GDAP2: variants seen among roughly 807,000 people sequenced by gnomAD.
The protein encoded by GDAP2 is ganglioside-induced differentiation-associated protein 2.
In GDAP2, 51 loss-of-function variants were observed where a neutral mutation model predicts 67.0. The observed-to-expected ratio is 0.76, with a 90% CI of 0.61 to 0.96. The LOEUF (loss-of-function observed/expected upper bound fraction) is 0.96, where lower values mean the gene tolerates loss of function less well. Ranked by LOEUF, GDAP2 falls within the 40% of genes least tolerant of loss-of-function variation. The pLI is 0.00. For synonymous variants in GDAP2, 203 were observed against 207.3 expected, an observed-to-expected ratio of 0.98 and a Z score of 0.18; for missense variants, 547 against 588.3, an observed-to-expected ratio of 0.93 and a Z score of 0.73.
intron 13 of GDAP2, chr1:117,877,792 A>T: frequency 8.0e-7 from 1 of 1,251,492 alleles, no homozygotes; most frequent in Non-Finnish European, 1.0e-6. Context: ...GAGATCTCCC[A>T]CTGAAACGTT....
intron 6 of GDAP2, among the ~76,000 whole-genome samples, chr1:117,900,715 A>C (rs1489102682): frequency 6.8e-6 from 1 of 147,134 alleles, no homozygotes; most frequent in Non-Finnish European, 1.5e-5. Flanking sequence ...GCAGTGAGCG[A>C]GATTGCGCCA....
chr1:117,904,747 G>C (rs1214203380), intron 6 of GDAP2, among the ~76,000 whole-genome samples: 2 of 152,128 alleles, frequency 1.3e-5, no homozygotes, highest in East Asian at 3.9e-4. Flanking sequence ...CTCCCTGAGA[G>C]CAAGAGCCAT....
chr1:117,907,871 T>C (rs1296683237), intron 5 of GDAP2, among the ~76,000 whole-genome samples: 1 of 152,192 alleles, frequency 6.6e-6, no homozygotes, highest in East Asian at 1.9e-4. Context: ...TGCTCTGCAC[T>C]ACTTACAGGT....
At chr1:117,901,492 C>T (rs987793562) in intron 6 of GDAP2, among the ~76,000 whole-genome samples, 21 of 152,162 alleles carry the variant, frequency 1.4e-4, no homozygotes, top group African/African-American at 4.8e-4. Flanking sequence ...TAACTATCTA[C>T]GAGGGTTCCA....
chr1:117,871,466 AATGCTT>A (rs1441884400), intron 13 of GDAP2, among the ~76,000 whole-genome samples: 2 of 152,206 alleles, frequency 1.3e-5, no homozygotes, highest in Admixed American at 1.3e-4. Context: ...ACAAACAGAT[AATGCTT>A]AGCACTAGTA....
chr1:117,880,347 AAC>A (rs1160378874), intron 12 of GDAP2, among the ~76,000 whole-genome samples: 6 of 152,174 alleles, frequency 3.9e-5, no homozygotes, highest in African/African-American at 1.4e-4. Context: ...GAATGCAGGT[AAC>A]AGAGAGAGAG....
At chr1:117,899,687 TA>T (rs1292177385) in intron 6 of GDAP2, among the ~76,000 whole-genome samples, 1 of 152,000 alleles carries the variant, frequency 6.6e-6, no homozygotes, top group Non-Finnish European at 1.5e-5. Flanking sequence ...GAATTTTACT[TA>T]AAAAAAACCA....
At chr1:117,875,444 G>T (rs1449283002) in intron 13 of GDAP2, among the ~76,000 whole-genome samples, 1 of 152,236 alleles carries the variant, frequency 6.6e-6, no homozygotes, top group Non-Finnish European at 1.5e-5. Flanking sequence ...GATTTCAGAG[G>T]ATACATCAGA....
rs551204281 is a variant in GDAP2, at chr1:117,927,081, TAATG to T, written c.-68+2363_-68+2366del. On this transcript the variant is annotated intron_variant, in intron 1 of 13. Coordinates refer to ENST00000369443, the MANE Select transcript of GDAP2 (RefSeq NM_017686.4). ...TACATGGGACAAACAGAAGATTCCA[TAATG>T]AATCAAATCTATTTCCATATCCATA... 6.0e-3 allele frequency among the ~76,000 whole-genome samples: 912 copies of T among 151,938 alleles called. 3 individuals are homozygous for T. The highest frequency in any genetic ancestry group is 0.011 in the Non-Finnish European group (722 of 67,948).
At chr1:117,921,280 C>T (rs982518358) in intron 1 of GDAP2, among the ~76,000 whole-genome samples, 4 of 152,164 alleles carry the variant, frequency 2.6e-5, no homozygotes, top group African/African-American at 9.7e-5. Flanking sequence ...GTGTTAAATA[C>T]TATTCTAGGC....
intron 10 of GDAP2, among the ~76,000 whole-genome samples, chr1:117,884,826 G>A (rs1648791893): frequency 6.6e-6 from 1 of 151,788 alleles, no homozygotes; most frequent in Non-Finnish European, 1.5e-5. Flanking sequence ...GTGTGTGTGT[G>A]TGTGTGTGTG....
intron 10 of GDAP2, 118 bp from the exon 11 acceptor site, chr1:117,883,745 C>T: frequency 1.6e-6 from 1 of 612,890 alleles, no homozygotes. Context: ...ATGCCCTAGT[C>T]ATCATAAATG....
intron 3 of GDAP2, among the ~76,000 whole-genome samples, chr1:117,914,361 T>G (rs1009778563): frequency 1.3e-5 from 2 of 152,046 alleles, no homozygotes; most frequent in Non-Finnish European, 1.5e-5. Flanking sequence ...AAATGAAAAG[T>G]TCAATAGAAG....
intron 13 of GDAP2, 172 bp downstream of exon 13, chr1:117,877,837 T>C: frequency 7.9e-7 from 1 of 1,262,102 alleles, no homozygotes; most frequent in Non-Finnish European, 1.0e-6. Context: ...GGACAAATCC[T>C]TTTCCTAAAG....
At chr1:117,925,393 C>A (rs1044009530) in intron 1 of GDAP2, among the ~76,000 whole-genome samples, 1 of 152,040 alleles carries the variant, frequency 6.6e-6, no homozygotes, top group Non-Finnish European at 1.5e-5. Flanking sequence ...GCAGAGATTG[C>A]AGTGAGCTGA....
At chr1:117,907,981 C>A (rs941137329) in intron 5 of GDAP2, among the ~76,000 whole-genome samples, 3 of 152,120 alleles carry the variant, frequency 2.0e-5, no homozygotes, top group East Asian at 1.9e-4. Flanking sequence ...ATTCCTCCCA[C>A]ATCTTATGCT....
chr1:117,922,035 A>G (rs1320873085), intron 1 of GDAP2, among the ~76,000 whole-genome samples: 3 of 151,782 alleles, frequency 2.0e-5, no homozygotes, highest in Admixed American at 6.6e-5. Context: ...GTAGAGTGAT[A>G]ACCAATGGTT....
chr1:117,890,158 A>G (rs900359336), intron 8 of GDAP2, among the ~76,000 whole-genome samples: 1 of 152,062 alleles, frequency 6.6e-6, no homozygotes, highest in African/African-American at 2.4e-5. Flanking sequence ...TCAAATATGT[A>G]TGCTGAGAAG....
At chr1:117,883,772 G>A in intron 10 of GDAP2, 145 bp from the exon 11 acceptor site, 1 of 552,178 alleles carries the variant, frequency 1.8e-6, no homozygotes, top group Non-Finnish European at 3.2e-6. Context: ...TCAGAGTGAT[G>A]AATATCCATT....
Sources: allele counts gnomAD v4.1 joint callset (sites outside exome capture counted in the v4.1 genomes callset), GRCh38; gene constraint gnomAD v4.1.1; transcripts MANE v1.5; gene names NCBI Gene and HGNC (gene_info 2026-07-23, HGNC 2026-07-21).